The following TAS2R1 variants were observed in gnomAD, a reference collection of about 807,000 sequenced individuals.
TAS2R1 encodes taste 2 receptor member 1.
For synonymous variants in TAS2R1, 141 were observed against 134.2 expected, an observed-to-expected ratio of 1.05 and a Z score of -0.35; for missense variants, 370 against 353.4, an observed-to-expected ratio of 1.05 and a Z score of -0.38.
intron 1 of TAS2R1, among the ~76,000 whole-genome samples, chr5:9,709,509 C>T (rs979306086): frequency 1.5e-4 from 23 of 152,302 alleles, no homozygotes; most frequent in African/African-American, 5.1e-4. Context: ...AGTCCCCTCC[C>T]ACTGGTTGGG....
chr5:9,760,127 A>G, the TAS2R1 span, among the ~76,000 whole-genome samples: 1 of 152,214 alleles, frequency 6.6e-6, no homozygotes, highest in South Asian at 2.1e-4. Context: ...ATTCCTTGAA[A>G]AACACAAATA....
At chr5:9,745,975 C>T in the TAS2R1 span, among the ~76,000 whole-genome samples, 1 of 152,128 alleles carries the variant, frequency 6.6e-6, no homozygotes, top group East Asian at 1.9e-4. Context: ...TCAGAATGAA[C>T]AGGCAACCTA....
At chr5:9,772,250 T>G in the TAS2R1 span, among the ~76,000 whole-genome samples, 21 of 152,162 alleles carry the variant, frequency 1.4e-4, no homozygotes, top group Admixed American at 5.2e-4. Flanking sequence ...CTTCTTAATT[T>G]CTTCATTGAC....
At chr5:9,766,492 T>C in the TAS2R1 span, among the ~76,000 whole-genome samples, 3 of 152,234 alleles carry the variant, frequency 2.0e-5, no homozygotes, top group Non-Finnish European at 4.4e-5. Flanking sequence ...ATTTTCTACA[T>C]GCATTCCTGC....
the TAS2R1 span, among the ~76,000 whole-genome samples, chr5:9,813,320 T>G: frequency 6.6e-6 from 1 of 152,204 alleles, no homozygotes; most frequent in Non-Finnish European, 1.5e-5. Context: ...AGACAATACA[T>G]TTCTGTTGTT....
chr5:9,852,692 T>C, the TAS2R1 span, among the ~76,000 whole-genome samples: 2 of 152,208 alleles, frequency 1.3e-5, no homozygotes, highest in African/African-American at 4.8e-5. Flanking sequence ...CTCTTTAAAA[T>C]GAGACAGTCG....
chr5:9,886,231 C>T, the TAS2R1 span, among the ~76,000 whole-genome samples: 1 of 151,714 alleles, frequency 6.6e-6, no homozygotes, highest in African/African-American at 2.4e-5. Flanking sequence ...GGGGTTTCAC[C>T]GTGTTGCCCA....
At chr5:9,719,937 AAC>A in the TAS2R1 span, among the ~76,000 whole-genome samples, 155 of 130,096 alleles carry the variant, frequency 1.2e-3, 2 homozygotes, top group African/African-American at 2.9e-3. Context: ...AAAAAAAAAA[AAC>A]AAAAACAAAA....
chr5:9,643,017 C>T (rs538518344), intron 2 of TAS2R1, among the ~76,000 whole-genome samples: 60 of 150,102 alleles, frequency 4.0e-4, no homozygotes, highest in Non-Finnish European at 6.4e-4. Context: ...TTCCTTTTTC[C>T]TTCTTCCCTC....
chr5:9,836,409 T>A, the TAS2R1 span, among the ~76,000 whole-genome samples: 1 of 152,234 alleles, frequency 6.6e-6, no homozygotes, highest in African/African-American at 2.4e-5. Flanking sequence ...TAATTCTTTG[T>A]TGGAGGGCTG....
At chr5:9,824,340 A>G in the TAS2R1 span, among the ~76,000 whole-genome samples, 1 of 152,218 alleles carries the variant, frequency 6.6e-6, no homozygotes, top group Non-Finnish European at 1.5e-5. Context: ...TCTGATCTGG[A>G]ACTTTCTTCA....
the TAS2R1 span, among the ~76,000 whole-genome samples, chr5:9,751,280 C>G: frequency 3.3e-5 from 5 of 151,410 alleles, no homozygotes; most frequent in Admixed American, 1.3e-4. Context: ...CCCTCCCCCA[C>G]CCCCACCAAA....
At chr5:9,901,359 G>A in the TAS2R1 span, among the ~76,000 whole-genome samples, 2 of 152,120 alleles carry the variant, frequency 1.3e-5, no homozygotes, top group East Asian at 3.9e-4. Context: ...ACCTGTTTGG[G>A]CTGAGAGAAA....
At chr5:9,754,646 G>C in the TAS2R1 span, among the ~76,000 whole-genome samples, 1 of 152,262 alleles carries the variant, frequency 6.6e-6, no homozygotes, top group East Asian at 1.9e-4. Flanking sequence ...ATTCACAGTT[G>C]CTTCAAAGAG....
chr5:9,840,465 G>T, the TAS2R1 span, among the ~76,000 whole-genome samples: 6 of 152,000 alleles, frequency 3.9e-5, no homozygotes, highest in African/African-American at 1.4e-4. Flanking sequence ...ATAAAGATTA[G>T]GGCATGCACT....
chr5:9,799,023 T>C, the TAS2R1 span, among the ~76,000 whole-genome samples: 2 of 152,186 alleles, frequency 1.3e-5, no homozygotes, highest in Non-Finnish European at 2.9e-5. Context: ...CCACTTCACC[T>C]GCTTTAGACA....
chr5:9,703,090 C>T (rs746608502), intron 1 of TAS2R1, among the ~76,000 whole-genome samples: 1 of 152,098 alleles, frequency 6.6e-6, no homozygotes, highest in Non-Finnish European at 1.5e-5. Flanking sequence ...TACTGGCCTC[C>T]TGAAAGAATG....
chr5:9,693,947 G>A (rs964557842), intron 1 of TAS2R1, among the ~76,000 whole-genome samples: 6 of 152,108 alleles, frequency 3.9e-5, no homozygotes, highest in East Asian at 3.9e-4. Context: ...CTATTATAAC[G>A]CAATAACCCT....
the TAS2R1 span, among the ~76,000 whole-genome samples, chr5:9,778,165 C>A: frequency 0.051 from 7,780 of 152,284 alleles, 236 homozygotes; most frequent in East Asian, 0.12. Flanking sequence ...CAGGCGTGAG[C>A]CACCACGCCC....
Sources: allele counts gnomAD v4.1 joint callset (sites outside exome capture counted in the v4.1 genomes callset), GRCh38; gene constraint gnomAD v4.1.1; transcripts MANE v1.5; gene names NCBI Gene and HGNC (gene_info 2026-07-23, HGNC 2026-07-21).